Variants in NUMA1 observed in about 807,000 individuals in gnomAD.
NUMA1 encodes nuclear mitotic apparatus protein 1, also known as SP-H antigen.
A neutral mutation model predicts 237.1 loss-of-function variants in NUMA1; 62 were observed. The observed-to-expected ratio is 0.26, with a 90% CI of 0.21 to 0.32. The LOEUF is 0.32. NUMA1 is among the 10% of genes least tolerant of loss of function. NUMA1 has a pLI of 1.00. For missense variants in NUMA1, 2,533 were observed against 2,666.5 expected (o/e 0.95, Z 1.10); for synonymous variants, 1,028 against 1,066.1 (o/e 0.96, Z 0.70).
chr11:72,021,725 C>G (rs1372171623), intron 7 of NUMA1, among the ~76,000 whole-genome samples: 1 of 152,188 alleles, frequency 6.6e-6, no homozygotes, highest in Non-Finnish European at 1.5e-5. Flanking sequence ...CTCCTCAGCT[C>G]CCCAAGTAGC....
chr11:72,005,993 A>T, intron 22 of NUMA1, 42 bp downstream of exon 22: 1 of 1,458,380 alleles, frequency 6.9e-7, no homozygotes, highest in Non-Finnish European at 9.4e-7. Flanking sequence ...TCCACCTTCC[A>T]GTCTAATTTT....
At chr11:72,045,305 G>GCTT (rs112795535) in intron 2 of NUMA1, among the ~76,000 whole-genome samples, 4,582 of 152,196 alleles carry the variant, frequency 0.03, 63 homozygotes, top group East Asian at 0.073. Context: ...ATCACCTGCT[G>GCTT]CTTCTTCCAG....
chr11:72,048,131 C>G (rs1942104760), intron 2 of NUMA1, among the ~76,000 whole-genome samples: 1 of 152,128 alleles, frequency 6.6e-6, no homozygotes, highest in Non-Finnish European at 1.5e-5. Flanking sequence ...GAGTCTCGCT[C>G]TGTCGCCCAG....
At chr11:72,039,852 C>G (rs976221376) in intron 2 of NUMA1, 1 of 152,126 alleles carries the variant, frequency 6.6e-6, no homozygotes, top group Non-Finnish European at 1.5e-5. Context: ...GATCTTGGGG[C>G]TCCTCCTCCT....
intron 2 of NUMA1, chr11:72,068,030 A>G (rs1943276690): frequency 6.6e-6 from 1 of 152,202 alleles, no homozygotes; most frequent in South Asian, 2.1e-4. Flanking sequence ...AAAAAAATCA[A>G]TGTAGTGATT....
intron 2 of NUMA1, chr11:72,065,675 T>G (rs770734067): frequency 2.0e-5 from 3 of 152,232 alleles, no homozygotes; most frequent in Non-Finnish European, 4.4e-5. Flanking sequence ...CAATCAGGCT[T>G]AAAAAATGTT....
chr11:72,057,833 G>C (rs1328259382), intron 2 of NUMA1, among the ~76,000 whole-genome samples: 1 of 151,998 alleles, frequency 6.6e-6, no homozygotes, highest in Non-Finnish European at 1.5e-5. Context: ...ACTTTGGGAG[G>C]CTGAGGCAGG....
chr11:72,066,448 C>T (rs1943204222), intron 2 of NUMA1: 1 of 152,028 alleles, frequency 6.6e-6, no homozygotes, highest in East Asian at 1.9e-4. Context: ...AAGATCCAAC[C>T]CTCAAATTTC....
chr11:72,033,793 G>T (rs1940653367), intron 3 of NUMA1, among the ~76,000 whole-genome samples: 1 of 152,120 alleles, frequency 6.6e-6, no homozygotes, highest in South Asian at 2.1e-4. Flanking sequence ...GGTCAAGGCG[G>T]GTGGATCACT....
At position 72,016,096 on chromosome 11, in the gene NUMA1, A is replaced by T. The variant is rs149147440; in HGVS notation, c.1407T>A (p.Thr469=). The change falls in exon 15 of 27, where the codon ACT becomes ACA. Residue 469 remains threonine (T), a synonymous_variant. Transcript: ENST00000393695. ...EEKQQLSSLI[T]DLQSSISNLS... ...GGTTGGAGATGGAGCTCTGCAGGTC[A>T]GTGATCAGGCTAGACAGCTGCTGCT... The T allele has an allele frequency of 3.7e-6, 6 of 1,614,048 alleles. No homozygotes were observed. The Admixed American group carries it at 5.0e-5, about 13-fold the overall frequency.
intron 1 of NUMA1, among the ~76,000 whole-genome samples, chr11:72,073,129 CAGG>C (rs1943542044): frequency 6.8e-6 from 1 of 147,412 alleles, no homozygotes; most frequent in Non-Finnish European, 1.5e-5. Context: ...GAGGCCGAGG[CAGG>C]AGGATTGCTT....
At position 72,005,269 on chromosome 11, in the gene NUMA1, G is replaced by A. The variant is rs753019238; in HGVS notation, c.5793C>T (p.Pro1931=). ...GGGGATAGCAGGTCTTCAGATGTGG[G>A]GGGCACACTCGATTGCGCTGCTGCA... ...AELQQRNRVC[P]PHLKTCYPLE... Residue 1931 remains proline (P), a synonymous_variant, in exon 23 of 27, where the codon CCC becomes CCT. Coordinates refer to ENST00000393695, the MANE Select transcript of NUMA1 (RefSeq NM_006185.4). 4.1e-5 allele frequency: 66 copies of A among 1,606,050 alleles called. No homozygotes were observed. Among genetic ancestry groups the A allele is most frequent in the Non-Finnish European group, 3.1e-5 (36 of 1,176,564 alleles).
At position 72,017,620 on chromosome 11, in the gene NUMA1, G is replaced by C. The variant is rs1223397026; in HGVS notation, c.1119+67C>G. The C allele has an allele frequency of 3.8e-6, 6 of 1,585,620 alleles. No individual in the cohort carries two copies. The African/African-American group carries it at 4.0e-5, about 11-fold the overall frequency. ...ATACCCAAAGGCCCAGAAGAGCACA[G>C]TGGTAAACTGGACTCAGCTTTGCAC... On this transcript the variant is annotated intron_variant, in intron 13 of 26. Transcript: ENST00000393695.
In NUMA1 at chr11:72,003,419, A is replaced by T; in HGVS notation, c.*108T>A. On this transcript the variant is annotated 3_prime_UTR_variant, in exon 27 of 27. Transcript: ENST00000393695. ...CATCACTGTCTCTAGGGGTTTGGCT[A>T]CTGTTGGCCTGGGAGCTGAGAGAAG... 9.2e-7 allele frequency: 1 copy of T among 1,088,072 alleles called. No individual in the cohort carries two copies. The highest frequency in any genetic ancestry group is 1.4e-6 in the Non-Finnish European group (1 of 701,638). The allele number at this position is 1,088,072 out of a possible 1,614,324, so 67.4% of individuals were successfully genotyped here.
chr11:72,030,522 C>T (rs1029379220), intron 3 of NUMA1, among the ~76,000 whole-genome samples: 1 of 152,170 alleles, frequency 6.6e-6, no homozygotes, highest in African/African-American at 2.4e-5. Context: ...AGGGGTCACA[C>T]ACATCAGGTA....
intron 7 of NUMA1, among the ~76,000 whole-genome samples, chr11:72,022,016 A>C (rs895122000): frequency 1.3e-5 from 2 of 152,146 alleles, no homozygotes; most frequent in Non-Finnish European, 2.9e-5. Context: ...AAAAAAACAC[A>C]CACACACAGA....
rs61744213 is a variant in NUMA1 at position 72,007,252 on chromosome 11, C to G, written c.5400G>C (p.Ser1800=). The stretch of plus-strand genomic sequence containing the variant: ...GACGAGCGGAGCGGGTCTTACGACC[C>G]GAGTCCAGGAAGACGTCTCCCAGGG... ...LDSLGDVFLD[S]GRKTRSARRR... Residue 1800 remains serine (S), a synonymous_variant, in exon 21 of 27, where the codon TCG becomes TCC. Coordinates refer to ENST00000393695, the MANE Select transcript of NUMA1 (RefSeq NM_006185.4). 6.2e-7 allele frequency: 1 copy of G among 1,612,702 alleles called. No homozygotes were observed. Among genetic ancestry groups the G allele is most frequent in the Non-Finnish European group, 8.5e-7 (1 of 1,179,696 alleles).
At chr11:72,063,509 C>T (rs1943051928) in intron 2 of NUMA1, among the ~76,000 whole-genome samples, 1 of 151,326 alleles carries the variant, frequency 6.6e-6, no homozygotes, top group Non-Finnish European at 1.5e-5. Context: ...GCAATCTTCT[C>T]GCCTCAGCCT....
At chr11:72,025,184 CCAGCTAGGA>C (rs1939405772) in intron 4 of NUMA1, among the ~76,000 whole-genome samples, 1 of 152,200 alleles carries the variant, frequency 6.6e-6, no homozygotes, top group Non-Finnish European at 1.5e-5. Flanking sequence ...GCCACTGCGC[CCAGCTAGGA>C]CTAGTATTCT....
Sources: allele counts gnomAD v4.1 joint callset (sites outside exome capture counted in the v4.1 genomes callset), GRCh38; gene constraint gnomAD v4.1.1; transcripts MANE v1.5; gene names NCBI Gene and HGNC (gene_info 2026-07-23, HGNC 2026-07-21).